PALD1: variants seen among roughly 807,000 people sequenced by gnomAD.
PALD1 encodes the protein paladin.
A neutral mutation model predicts 96.0 loss-of-function variants in PALD1; 57 were observed. The ratio of observed to expected loss-of-function variants is 0.59; its 90% confidence interval spans 0.48 to 0.74. The LOEUF is 0.74. Ranked by LOEUF, PALD1 falls within the 30% of genes least tolerant of loss-of-function variation. The probability of loss-of-function intolerance (pLI) is 0.00; values close to 1 mark genes in which losing one functional copy is unlikely to be tolerated. For synonymous variants in PALD1, 464 were observed against 473.6 expected (o/e 0.98, Z 0.26); for missense variants, 1,063 against 1,143.7 (o/e 0.93, Z 1.02).
At chr10:70,515,234 T>A (rs546512059) in intron 1 of PALD1, among the ~76,000 whole-genome samples, 2 of 152,186 alleles carry the variant, frequency 1.3e-5, no homozygotes, top group Admixed American at 1.3e-4. Flanking sequence ...TGGAGAGAAC[T>A]GGGCTGACTC....
chr10:70,461,006 G>A, the PALD1 span, among the ~76,000 whole-genome samples: 8 of 152,208 alleles, frequency 5.3e-5, no homozygotes, highest in Non-Finnish European at 1.2e-4. Context: ...AGTGAGCTGA[G>A]ATCGTGTCAT....
chr10:70,476,420 T>C (rs1302241376), upstream of PALD1, among the ~76,000 whole-genome samples: 1 of 152,192 alleles, frequency 6.6e-6, no homozygotes, highest in East Asian at 1.9e-4. Flanking sequence ...ATCTTTCTTG[T>C]GGTTGGGACT....
intron 11 of PALD1, 61 bp from the exon 12 acceptor site, chr10:70,538,219 A>T: frequency 6.4e-7 from 1 of 1,574,080 alleles, no homozygotes; most frequent in South Asian, 1.1e-5. Context: ...TGGTGTGGGC[A>T]GGGAGGGTTC....
the PALD1 span, among the ~76,000 whole-genome samples, chr10:70,458,599 G>T: frequency 6.6e-6 from 1 of 152,194 alleles, no homozygotes; most frequent in Non-Finnish European, 1.5e-5. Flanking sequence ...TGGCGTTGTC[G>T]CCGCCAAGGG....
upstream of PALD1, among the ~76,000 whole-genome samples, chr10:70,475,867 C>T (rs1299603301): frequency 6.6e-6 from 1 of 152,152 alleles, no homozygotes; most frequent in African/African-American, 2.4e-5. Flanking sequence ...TTCTTTGCAG[C>T]AGCAGCTTGT....
At chr10:70,557,073 C>T (rs1048806966) in intron 18 of PALD1, among the ~76,000 whole-genome samples, 18 of 152,212 alleles carry the variant, frequency 1.2e-4, no homozygotes, top group Non-Finnish European at 2.5e-4. Context: ...CAGGACAGAG[C>T]GTTCTTCTGC....
intron 17 of PALD1, among the ~76,000 whole-genome samples, chr10:70,543,716 C>CTGAGTT (rs1284739428): frequency 1.3e-5 from 2 of 152,134 alleles, no homozygotes; most frequent in Non-Finnish European, 2.9e-5. Context: ...TATTTTCCAG[C>CTGAGTT]TGAGTTTAGT....
At chr10:70,525,077 C>T (rs933393108) in intron 1 of PALD1, among the ~76,000 whole-genome samples, 37 of 152,164 alleles carry the variant, frequency 2.4e-4, no homozygotes, top group Admixed American at 2.3e-3. Context: ...TCTCTGTTCA[C>T]TGCAACCTTT....
the PALD1 span, among the ~76,000 whole-genome samples, chr10:70,473,650 A>AT: frequency 2.5e-5 from 1 of 39,294 alleles, no homozygotes; most frequent in African/African-American, 4.9e-5. Context: ...TTTACAGACT[A>AT]ATTTTTTTTT....
At chr10:70,480,725 C>A (rs999326486) in intron 1 of PALD1, among the ~76,000 whole-genome samples, 4 of 152,216 alleles carry the variant, frequency 2.6e-5, no homozygotes, top group African/African-American at 9.7e-5. Context: ...CCTTGGCTGG[C>A]ACTGTGAGAA....
At chr10:70,561,788 A>C (rs74141908) in intron 18 of PALD1, among the ~76,000 whole-genome samples, 3,507 of 150,170 alleles carry the variant, frequency 0.023, 129 homozygotes, top group African/African-American at 0.081. Context: ...TTCCCTGGGG[A>C]CTCACCTCAT....
intron 1 of PALD1, chr10:70,486,372 C>T (rs1198293332): frequency 6.5e-6 from 1 of 153,652 alleles, no homozygotes; most frequent in African/African-American, 2.4e-5. Context: ...CTGAACCCTT[C>T]ATCCTGGGAC....
chr10:70,459,964 A>G, the PALD1 span, among the ~76,000 whole-genome samples: 4 of 152,024 alleles, frequency 2.6e-5, no homozygotes, highest in African/African-American at 9.7e-5. Flanking sequence ...ACCCGGTTCC[A>G]TTGTGTGCCT....
At chr10:70,526,451 A>C (rs1846870292) in intron 2 of PALD1, among the ~76,000 whole-genome samples, 1 of 152,224 alleles carries the variant, frequency 6.6e-6, no homozygotes, top group East Asian at 1.9e-4. Context: ...TTTTCAAAAG[A>C]AGTTTATGTA....
the PALD1 span, among the ~76,000 whole-genome samples, chr10:70,466,541 C>T: frequency 0.27 from 41,583 of 152,050 alleles, 6,011 homozygotes; most frequent in South Asian, 0.35. Context: ...CCGCGCCCAG[C>T]CATTTTAACG....
chr10:70,502,942 G>T (rs373249867), intron 1 of PALD1, among the ~76,000 whole-genome samples: 3 of 152,056 alleles, frequency 2.0e-5, no homozygotes, highest in Non-Finnish European at 4.4e-5. Context: ...GTGCAGTGGC[G>T]TGATCTCGGC....
intron 1 of PALD1, among the ~76,000 whole-genome samples, chr10:70,496,588 G>C (rs566117419): frequency 1.4e-4 from 22 of 152,312 alleles, no homozygotes; most frequent in Non-Finnish European, 2.8e-4. Context: ...GTCGCTGCAG[G>C]TATCAGTATC....
intron 18 of PALD1, among the ~76,000 whole-genome samples, chr10:70,557,978 G>A (rs1458955607): frequency 7.5e-6 from 1 of 132,736 alleles, no homozygotes; most frequent in East Asian, 2.0e-4. Flanking sequence ...CTGTCACCCA[G>A]GCTGCAGTGC....
At chr10:70,472,892 C>T in the PALD1 span, among the ~76,000 whole-genome samples, 8 of 152,164 alleles carry the variant, frequency 5.3e-5, no homozygotes, top group African/African-American at 1.9e-4. Context: ...TATGAACTTC[C>T]TCTCAGACAG....
Sources: allele counts gnomAD v4.1 joint callset (sites outside exome capture counted in the v4.1 genomes callset), GRCh38; gene constraint gnomAD v4.1.1; transcripts MANE v1.5; gene names NCBI Gene and HGNC (gene_info 2026-07-23, HGNC 2026-07-21).